Variants in OTOGL observed in about 807,000 individuals in gnomAD.
OTOGL encodes the protein otogelin-like protein.
OTOGL carries 285 observed loss-of-function variants against 318.5 expected under a neutral mutation model. That is an observed-to-expected ratio of 0.89 (90% CI 0.81 to 0.99). OTOGL has a LOEUF of 0.99. Among genes scored for constraint, OTOGL ranks in the 50% least tolerant of loss-of-function variants. The probability of loss-of-function intolerance (pLI) is 0.00; values close to 1 mark genes in which losing one functional copy is unlikely to be tolerated. For synonymous variants in OTOGL, 987 were observed against 936.5 expected, an observed-to-expected ratio of 1.05 and a Z score of -0.99; for missense variants, 2,899 against 2,845.6, an observed-to-expected ratio of 1.02 and a Z score of -0.43.
At chr12:80,170,215 A>ATGTG (rs1423032334) in intron 1 of OTOGL, among the ~76,000 whole-genome samples, 4 of 106,560 alleles carry the variant, frequency 3.8e-5, no homozygotes, top group Non-Finnish European at 5.5e-5. Flanking sequence ...GTGTGTGTGT[A>ATGTG]TGTATGTGTG....
chr12:80,163,439 G>A (rs1468872155), intron 1 of OTOGL, among the ~76,000 whole-genome samples: 1 of 152,096 alleles, frequency 6.6e-6, no homozygotes, highest in Non-Finnish European at 1.5e-5. Flanking sequence ...TTTTCACAAT[G>A]GAGAATTGAT....
chr12:80,289,501 A>C (rs112566892), intron 26 of OTOGL, among the ~76,000 whole-genome samples: 5,008 of 152,196 alleles, frequency 0.033, 276 homozygotes, highest in African/African-American at 0.11. Context: ...CCCACAGCTG[A>C]CCCTTCCCGC....
At chr12:80,292,767 AG>A (rs894564166) in intron 26 of OTOGL, among the ~76,000 whole-genome samples, 3 of 152,236 alleles carry the variant, frequency 2.0e-5, no homozygotes, top group Admixed American at 6.5e-5. Context: ...AAGACATACC[AG>A]AACTATATGA....
intron 1 of OTOGL, among the ~76,000 whole-genome samples, chr12:80,109,996 G>C (rs1356607738): frequency 6.6e-6 from 1 of 151,304 alleles, no homozygotes; most frequent in South Asian, 2.1e-4. Flanking sequence ...TGTTACATAG[G>C]TATACATGTG....
intron 7 of OTOGL, 29 bp from the exon 8 acceptor site, chr12:80,229,228 T>C: frequency 1.3e-6 from 2 of 1,587,664 alleles, no homozygotes; most frequent in Non-Finnish European, 1.7e-6. Context: ...TTTGTTCCTA[T>C]GCTTTCTTTT....
rs550586895 is a variant in OTOGL at position 80,299,671 on chromosome 12, A to T, written c.3063+2710A>T. ...GTAAATGCACAATTCTAATTTTATC[A>T]AATGTATAAGATATAAATATTTTAT... is the stretch of plus-strand genomic sequence containing the variant. On this transcript the variant is annotated intron_variant, in intron 27 of 58. Transcript: ENST00000547103. 2.2e-4 allele frequency among the ~76,000 whole-genome samples: 33 copies of T among 150,460 alleles called. No individual in the cohort carries two copies. The South Asian group carries it at 6.9e-3, about 32-fold the overall frequency.
chr12:80,175,214 T>C (rs1443237935), intron 1 of OTOGL, among the ~76,000 whole-genome samples: 2 of 152,184 alleles, frequency 1.3e-5, no homozygotes, highest in Non-Finnish European at 2.9e-5. Context: ...TAATGTAGTG[T>C]TTAATTTAGT....
At chr12:80,376,755 A>G (rs1002301308) in intron 57 of OTOGL, among the ~76,000 whole-genome samples, 1 of 152,124 alleles carries the variant, frequency 6.6e-6, no homozygotes, top group African/African-American at 2.4e-5. Context: ...GCATATATCT[A>G]CTTATACACT....
intron 5 of OTOGL, among the ~76,000 whole-genome samples, chr12:80,218,795 C>CTTTTTTTTTTTTTTTTTTTTTTTT (rs34204072): frequency 8.5e-6 from 1 of 118,240 alleles, no homozygotes; most frequent in African/African-American, 3.5e-5. Flanking sequence ...CTTTTTCTTT[C>CTTTTTTTTTTTTTTTTTTTTTTTT]TTTTTTTTTT....
chr12:80,333,209 T>A, intron 38 of OTOGL, 131 bp downstream of exon 38: 1 of 710,250 alleles, frequency 1.4e-6, no homozygotes, highest in Non-Finnish European at 2.3e-6. Flanking sequence ...TAAAAGATAT[T>A]AAGAAATATG....
intron 11 of OTOGL, among the ~76,000 whole-genome samples, chr12:80,242,553 G>A (rs1380803040): frequency 6.6e-6 from 1 of 151,990 alleles, no homozygotes; most frequent in African/African-American, 2.4e-5. Flanking sequence ...CCTGTATTAG[G>A]GGACTGCATC....
At chr12:80,293,626 A>T (rs1488229123) in intron 26 of OTOGL, among the ~76,000 whole-genome samples, 10 of 149,480 alleles carry the variant, frequency 6.7e-5, no homozygotes, top group African/African-American at 2.4e-4. Flanking sequence ...TCGTCAGTTC[A>T]GTCATCATTT....
rs548065260 is a variant in OTOGL at position 80,203,417 on chromosome 12, T to C, written c.-19-5996T>C. Among the ~76,000 whole-genome samples the C allele has an allele frequency of 1.5e-3, 227 of 152,152 alleles. 1 individual carries two copies. The highest frequency in any genetic ancestry group is 5.4e-3 in the African/African-American group (224 of 41,512). ...CCCCATCTTGAAATCCTTAATCATATCTGTAAAGGCTGTTTTGTTATGTTA... is the reference window on the plus strand; with the variant it reads ...CCCCATCTTGAAATCCTTAATCATACCTGTAAAGGCTGTTTTGTTATGTTA... On this transcript the variant is annotated intron_variant, in intron 1 of 58. Transcript: ENST00000547103.
At position 80,229,335 on chromosome 12, in the gene OTOGL, G is replaced by A; in HGVS notation, c.568G>A (p.Glu190Lys). The A allele has an allele frequency of 1.9e-6, 3 of 1,596,236 alleles. No individual in the cohort carries two copies. Among genetic ancestry groups the A allele is most frequent in the Middle Eastern group, 1.7e-4 (1 of 6,054 alleles). ...CAGCTTGTTCTTTTCAAACCAAGAG[G>A]AAATTCGAATTTATGGTCATGAAAT... is the stretch of plus-strand genomic sequence containing the variant. Reference protein sequence around the residue: ...SISLFFSNQEEIRIYGHEIKK... With the variant: ...SISLFFSNQEKIRIYGHEIKK... Residue 190 changes from glutamate (E) to lysine (K), a missense_variant, in exon 8 of 59, where the codon GAA (glutamate) becomes AAA (lysine). By Grantham distance (56) the Glu-to-Lys change is moderately conservative. Around this residue, in one of 3 missense-constraint regions of OTOGL, gnomAD observed 2,607 missense variants for 2,524.9 expected, o/e 1.03. Coordinates refer to ENST00000547103, the MANE Select transcript of OTOGL (RefSeq NM_001378609.3).
chr12:80,204,983 T>A (rs1420111065), intron 1 of OTOGL, among the ~76,000 whole-genome samples: 1 of 152,024 alleles, frequency 6.6e-6, no homozygotes, highest in Admixed American at 6.6e-5. Flanking sequence ...AAATTCAAAA[T>A]TACAAAATCC....
intron 26 of OTOGL, among the ~76,000 whole-genome samples, chr12:80,285,434 T>C (rs1884540431): frequency 6.6e-6 from 1 of 152,184 alleles, no homozygotes; most frequent in African/African-American, 2.4e-5. Flanking sequence ...GGTAGCTTGA[T>C]GGGAATAGCA....
rs1337368369 is a variant in OTOGL, at chr12:80,099,617, G to A, written c.-20+12G>A. 3 of 152,180 alleles carry A rather than the reference G, an allele frequency of 2.0e-5. No homozygotes were observed. Among genetic ancestry groups the A allele is most frequent in the African/African-American group, 7.2e-5 (3 of 41,434 alleles). The allele number at this position is 152,180 out of a possible 1,614,324, so 9.4% of individuals were successfully genotyped here. On this transcript the variant is annotated intron_variant, in intron 1 of 58. Coordinates refer to ENST00000547103, the MANE Select transcript of OTOGL (RefSeq NM_001378609.3). ...CCAGTGCTTCCCTGGTAAGTTTTGG[G>A]GGATGGAAGTGGCAGCAGTCATAAG...
chr12:80,302,195 T>A (rs1037109984), intron 27 of OTOGL, among the ~76,000 whole-genome samples: 2 of 152,248 alleles, frequency 1.3e-5, no homozygotes, highest in East Asian at 3.8e-4. Context: ...AGTAGACTAT[T>A]TCCATGCTAT....
intron 1 of OTOGL, among the ~76,000 whole-genome samples, chr12:80,177,251 ATTAAT>A (rs59312238): frequency 0.16 from 24,994 of 151,888 alleles, 3,862 homozygotes; most frequent in African/African-American, 0.41. Flanking sequence ...AATTTTAGCT[ATTAAT>A]TTAAGGTCCA....
Sources: gnomAD v4.1 joint callset for allele counts (sites outside exome capture counted in the v4.1 genomes callset) on GRCh38, gnomAD v4.1.1 for gene constraint, gnomAD v4.1.1 regional missense constraint, MANE v1.5 for transcripts, NCBI Gene and HGNC (gene_info 2026-07-23, HGNC 2026-07-21) for gene names.